ZHX2: variants seen among roughly 807,000 people sequenced by gnomAD.
The protein encoded by ZHX2 is zinc fingers and homeoboxes 2.
A neutral mutation model predicts 21.9 loss-of-function variants in ZHX2; 6 were observed. That is an observed-to-expected ratio of 0.27 (90% confidence interval 0.15 to 0.54). The LOEUF is 0.54. ZHX2 is among the 20% of genes least tolerant of loss of function. ZHX2 has a pLI of 0.95. For missense variants in ZHX2, 908 were observed against 1,090.7 expected, an observed-to-expected ratio of 0.83 and a Z score of 2.36; for synonymous variants, 434 against 437.1, an observed-to-expected ratio of 0.99 and a Z score of 0.09.
intron 2 of ZHX2, among the ~76,000 whole-genome samples, chr8:122,878,575 G>T (rs954887595): frequency 6.6e-6 from 1 of 152,172 alleles, no homozygotes; most frequent in African/African-American, 2.4e-5. Context: ...GGGTGCTTTT[G>T]CAGAAAGGTA....
At position 122,808,874 on chromosome 8, in the gene ZHX2, T is replaced by C. The variant is rs1413592790; in HGVS notation, c.-283+26928T>C. 5 of 152,240 alleles carry C rather than the reference T, an allele frequency of 3.3e-5. No homozygotes were observed. In the East Asian group the frequency reaches 9.6e-4, roughly 29 times the overall value. The allele number at this position is 152,240 out of a possible 1,614,324, so 9.4% of individuals were successfully genotyped here. A position where few individuals can be genotyped will look rare whatever the true frequency, so the allele number is the denominator to read the frequency against. On this transcript the variant is annotated intron_variant, in intron 1 of 3. Coordinates refer to ENST00000314393, the MANE Select transcript of ZHX2 (RefSeq NM_014943.5). ...GAGCTCCAAAGCGCTAGCTAGACAA[T>C]TAACAAATATTGTCAATGTTGTTTC...
intron 2 of ZHX2, among the ~76,000 whole-genome samples, chr8:122,914,685 A>G (rs1332930219): frequency 6.6e-6 from 1 of 152,228 alleles, no homozygotes; most frequent in Non-Finnish European, 1.5e-5. Context: ...ATTTGCTAAT[A>G]AATCTCATGC....
intron 1 of ZHX2, among the ~76,000 whole-genome samples, chr8:122,795,732 G>A (rs966926817): frequency 6.6e-6 from 1 of 152,118 alleles, no homozygotes; most frequent in African/African-American, 2.4e-5. Context: ...TTTTACATAT[G>A]AGGAAATTAA....
intron 1 of ZHX2, among the ~76,000 whole-genome samples, chr8:122,786,191 G>A (rs1489270701): frequency 6.6e-6 from 1 of 152,192 alleles, no homozygotes; most frequent in African/African-American, 2.4e-5. Context: ...AAAGCTGGAA[G>A]GGGGTGCCAT....
intron 1 of ZHX2, among the ~76,000 whole-genome samples, chr8:122,822,211 A>G (rs1039420442): frequency 2.6e-5 from 4 of 152,118 alleles, no homozygotes; most frequent in African/African-American, 7.2e-5. Context: ...TTACCCCACG[A>G]TTTTAGTGCT....
chr8:122,962,277 T>A (rs955232632), intron 3 of ZHX2, among the ~76,000 whole-genome samples: 1 of 152,184 alleles, frequency 6.6e-6, no homozygotes, highest in Non-Finnish European at 1.5e-5. Context: ...CTGACCCCCC[T>A]CTCATCCTTC....
intron 2 of ZHX2, among the ~76,000 whole-genome samples, chr8:122,910,083 G>T (rs1820441995): frequency 1.3e-5 from 2 of 151,306 alleles, no homozygotes; most frequent in Admixed American, 1.3e-4. Context: ...ACCTCTGCTT[G>T]CTTCTCAGAG....
At chr8:122,960,205 G>C (rs901128720) in intron 3 of ZHX2, among the ~76,000 whole-genome samples, 3 of 152,004 alleles carry the variant, frequency 2.0e-5, no homozygotes, top group Non-Finnish European at 2.9e-5. Flanking sequence ...GGAATTTGAG[G>C]GTTTAAATAG....
intron 1 of ZHX2, among the ~76,000 whole-genome samples, chr8:122,836,384 T>C (rs1818497398): frequency 6.6e-6 from 1 of 152,192 alleles, no homozygotes; most frequent in Non-Finnish European, 1.5e-5. Flanking sequence ...CTGCTGTGGC[T>C]TGCTCTCCGG....
intron 2 of ZHX2, among the ~76,000 whole-genome samples, chr8:122,911,638 G>C (rs537022124): frequency 8.6e-4 from 131 of 152,164 alleles, no homozygotes; most frequent in Non-Finnish European, 1.6e-3. Flanking sequence ...TATGTGCTGA[G>C]CCCTGGGGAC....
chr8:122,785,684 G>C lies in ZHX2; in HGVS notation c.-283+3738G>C, dbSNP rs145566668. On this transcript the variant is annotated intron_variant, in intron 1 of 3. Transcript: ENST00000314393. ...AAATTGGGGTTCAACTTGTAAGGCA[G>C]ACGGGGTGAAAGGAGGAATGGTTGT... Among the ~76,000 whole-genome samples the C allele has an allele frequency of 5.1e-3, 774 of 152,334 alleles. 5 individuals carry two copies. Among genetic ancestry groups the C allele is most frequent in the African/African-American group, 0.017 (714 of 41,562 alleles).
chr8:122,822,448 C>T (rs545092903), intron 1 of ZHX2, among the ~76,000 whole-genome samples: 3 of 152,284 alleles, frequency 2.0e-5, no homozygotes, highest in South Asian at 2.1e-4. Flanking sequence ...GACTTGAAGC[C>T]ATCTCATAGG....
intron 1 of ZHX2, among the ~76,000 whole-genome samples, chr8:122,783,843 A>G (rs973745426): frequency 1.3e-5 from 2 of 152,238 alleles, no homozygotes; most frequent in African/African-American, 4.8e-5. Context: ...GAAAAAATCT[A>G]CAAGTAAGGC....
At chr8:122,910,117 C>T (rs1020655577) in intron 2 of ZHX2, among the ~76,000 whole-genome samples, 7 of 140,180 alleles carry the variant, frequency 5.0e-5, no homozygotes, top group East Asian at 4.3e-4. Context: ...TCTCTTCCTC[C>T]GAGAAATCAA....
intron 1 of ZHX2, among the ~76,000 whole-genome samples, chr8:122,819,880 G>GA (rs1197758803): frequency 1.3e-5 from 2 of 152,172 alleles, no homozygotes; most frequent in African/African-American, 4.8e-5. Flanking sequence ...TCAAAGCTGA[G>GA]AGCCTGCAGA....
chr8:122,851,553 AT>A (rs1345427969), intron 1 of ZHX2, among the ~76,000 whole-genome samples: 2 of 152,182 alleles, frequency 1.3e-5, no homozygotes, highest in Admixed American at 1.3e-4. Flanking sequence ...TGCTTTCCCC[AT>A]TACACCCAAG....
intron 1 of ZHX2, among the ~76,000 whole-genome samples, chr8:122,832,230 C>T (rs1047375403): frequency 2.0e-5 from 3 of 152,128 alleles, no homozygotes; most frequent in Non-Finnish European, 4.4e-5. Context: ...TTGGAGGAGC[C>T]GTGGGGCAGA....
chr8:122,824,563 T>G lies in ZHX2; in HGVS notation c.-282-38914T>G, dbSNP rs576269896. On this transcript the variant is annotated intron_variant, in intron 1 of 3. Transcript: ENST00000314393. ...AAAATACAAAGTGTCAGAACTGGAA[T>G]GTACCTTAGATATCATCCAGCCCAG... Among the ~76,000 whole-genome samples the G allele has an allele frequency of 2.0e-5, 3 of 152,328 alleles. No individual in the cohort carries two copies. In the South Asian group the frequency reaches 6.2e-4, roughly 32 times the overall value.
intron 2 of ZHX2, among the ~76,000 whole-genome samples, chr8:122,941,279 T>G (rs2130209787): frequency 6.6e-6 from 1 of 152,306 alleles, no homozygotes; most frequent in South Asian, 2.1e-4. Context: ...ATTGTGCATG[T>G]AAACAACATT....
Sources: gnomAD v4.1 joint callset for allele counts (sites outside exome capture counted in the v4.1 genomes callset) on GRCh38, gnomAD v4.1.1 for gene constraint, MANE v1.5 for transcripts, NCBI Gene and HGNC (gene_info 2026-07-23, HGNC 2026-07-21) for gene names.